PI4K2A: variants seen among roughly 807,000 people sequenced by gnomAD.
PI4K2A encodes the protein phosphatidylinositol 4-kinase type 2 alpha, also known as phosphatidylinositol 4-kinase type 2-alpha.
PI4K2A carries 20 observed loss-of-function variants against 55.0 expected under a neutral mutation model. The observed-to-expected ratio is 0.36, with a 90% CI of 0.26 to 0.53. PI4K2A has a LOEUF of 0.53. Among genes scored for constraint, PI4K2A ranks in the 20% least tolerant of loss-of-function variants. The pLI is 0.91. For synonymous variants in PI4K2A, 235 were observed against 258.5 expected (o/e 0.91, Z 0.87); for missense variants, 463 against 637.1 (o/e 0.73, Z 2.94).
At chr10:97,660,319 G>T (rs1216084893) in intron 4 of PI4K2A, among the ~76,000 whole-genome samples, 1 of 138,900 alleles carries the variant, frequency 7.2e-6, no homozygotes, top group Non-Finnish European at 1.5e-5. Flanking sequence ...TTTTTGAGAC[G>T]GAGTCTCACT....
rs371034815 is a variant in PI4K2A at position 97,672,038 on chromosome 10, A to G, written c.1279-1543A>G. On this transcript the variant is annotated intron_variant, in intron 8 of 8. Coordinates refer to ENST00000370631, the Ensembl canonical transcript of PI4K2A. ...CAACAATAAATAATTAAAACCACCT[A>G]TAATTTCTTTCTTTTTTTTTTTTGA... Among the ~76,000 whole-genome samples, 19 of 150,760 alleles carry G rather than the reference A, an allele frequency of 1.3e-4. 2 individuals carry two copies. Among genetic ancestry groups the G allele is most frequent in the Admixed American group, 1.1e-3 (17 of 15,098 alleles).
intron 6 of PI4K2A, 103 bp downstream of exon 6, chr10:97,665,087 A>G (rs2041603626): frequency 1.4e-6 from 1 of 696,986 alleles, no homozygotes; most frequent in Non-Finnish European, 2.5e-6. Context: ...TATTCTAAAA[A>G]TTAATGAAAT....
At chr10:97,641,309 G>A in intron 1 of PI4K2A, 132 bp downstream of exon 1, 1 of 659,546 alleles carries the variant, frequency 1.5e-6, no homozygotes, top group Non-Finnish European at 2.5e-6. Context: ...ATTTAGGGAT[G>A]CCACTGAGGA....
At chr10:97,673,746 C>T (rs1471276334) in exon 9 of PI4K2A, 1 of 1,613,212 alleles carries the variant, frequency 6.2e-7, no homozygotes, top group Non-Finnish European at 8.5e-7. Context: ...GTGGTAGCTC[C>T]AGAGGCAGGC....
At chr10:97,641,838 TTTC>T (rs2041471432) in intron 1 of PI4K2A, among the ~76,000 whole-genome samples, 1 of 152,214 alleles carries the variant, frequency 6.6e-6, no homozygotes, top group Non-Finnish European at 1.5e-5. Context: ...TCAGCTACTT[TTTC>T]TTTCATTTCT....
At chr10:97,654,773 A>T (rs1002997993) in intron 2 of PI4K2A, among the ~76,000 whole-genome samples, 4 of 151,544 alleles carry the variant, frequency 2.6e-5, no homozygotes, top group Admixed American at 2.0e-4. Context: ...GTGACAATAG[A>T]TGCATATGTG....
At chr10:97,654,424 G>C (rs1367641627) in intron 2 of PI4K2A, among the ~76,000 whole-genome samples, 4 of 152,042 alleles carry the variant, frequency 2.6e-5, no homozygotes, top group Non-Finnish European at 5.9e-5. Context: ...CTAGATGGTA[G>C]CATGGAGCGA....
At chr10:97,665,279 CT>C (rs962222133) in intron 6 of PI4K2A, among the ~76,000 whole-genome samples, 75 of 146,006 alleles carry the variant, frequency 5.1e-4, no homozygotes, top group Middle Eastern at 3.6e-3. Flanking sequence ...TTTCTGAGGA[CT>C]TTTTTTTTTT....
At chr10:97,642,846 CCTTCCTTTCTTTCTTTCTT>C (rs1564772264) in intron 1 of PI4K2A, among the ~76,000 whole-genome samples, 1 of 59,218 alleles carries the variant, frequency 1.7e-5, no homozygotes, top group African/African-American at 6.7e-5. Context: ...TTCCTTCCTT[CCTTCCTTTCTTTCTTTCTT>C]TTTCTTTCTT....
At position 97,660,665 on chromosome 10, in the gene PI4K2A, G is replaced by GTT. The variant is rs1032806013; in HGVS notation, c.923-2231_923-2230dup. ...CATAGTTTAGTTGTATCTTACAAGTGTTTTTTTTTTTTACCATAATCATTA... is the reference window on the plus strand; with the variant it reads ...CATAGTTTAGTTGTATCTTACAAGTGTTTTTTTTTTTTTTACCATAATCATTA... On this transcript the variant is annotated intron_variant, in intron 4 of 8. Transcript: ENST00000370631. 2.1e-3 allele frequency among the ~76,000 whole-genome samples: 293 copies of GTT among 141,656 alleles called. 1 individual carries two copies. The highest frequency in any genetic ancestry group is 7.2e-3 in the African/African-American group (281 of 38,776). 92.9% of individuals were successfully genotyped at this position (141,656 alleles called of 152,430 possible). A position where few individuals can be genotyped will look rare whatever the true frequency, so the allele number is the denominator to read the frequency against.
chr10:97,656,920 C>G lies in PI4K2A; in HGVS notation c.868C>G (p.Leu290Val). Residue 290 changes from leucine to valine, a missense_variant, in exon 4 of 9, where the codon CTA becomes GTA. Physicochemically the swap from Leu to Val is conservative, Grantham distance 32. This residue lies in a region of PI4K2A where 277 missense variants were observed against 432.6 expected (regional missense o/e 0.64). Coordinates refer to ENST00000370631, the Ensembl canonical transcript of PI4K2A. This position sits in a 1 kb window ranked among gnomAD's most constrained non-coding sequence, Gnocchi z 4.5. Reference sequence around the variant, plus strand: ...TCTTCCTGAGAACACTAACCGGCAACTACTGCTCCAGTTTGAGCGGTTGGT... The same window carrying G: ...TCTTCCTGAGAACACTAACCGGCAAGTACTGCTCCAGTTTGAGCGGTTGGT... 2 of 1,614,160 alleles carry G rather than the reference C, an allele frequency of 1.2e-6. No homozygotes were observed. The highest frequency in any genetic ancestry group is 1.7e-6 in the Non-Finnish European group (2 of 1,180,014).
At chr10:97,661,198 A>G (rs2041581643) in intron 4 of PI4K2A, among the ~76,000 whole-genome samples, 1 of 151,724 alleles carries the variant, frequency 6.6e-6, no homozygotes, top group South Asian at 2.1e-4. Flanking sequence ...TCACCGTGTT[A>G]GCCAGGATGG....
Position 97,653,367 on chromosome 10 carries a change from A to G in PI4K2A, c.636+2226A>G, listed in dbSNP as rs113627944. Among the ~76,000 whole-genome samples, 544 of 152,344 alleles carry G rather than the reference A, an allele frequency of 3.6e-3. 5 individuals are homozygous for G. The highest frequency in any genetic ancestry group is 0.012 in the African/African-American group (492 of 41,584). On this transcript the variant is annotated intron_variant, in intron 2 of 8. Transcript: ENST00000370631. ...CAGTTTCCTTACTGTAAAAATAGGG[A>G]TATAAATAGTTCCTACTTTGTAGAG...
exon 6 of PI4K2A, chr10:97,664,920 C>T: frequency 6.2e-7 from 1 of 1,614,058 alleles, no homozygotes; most frequent in East Asian, 2.2e-5. Flanking sequence ...AGCCTGTTAT[C>T]AAGGTGGCTG....
chr10:97,651,946 G>A (rs140558864), intron 2 of PI4K2A, among the ~76,000 whole-genome samples: 3 of 152,280 alleles, frequency 2.0e-5, no homozygotes, highest in Admixed American at 2.0e-4. Flanking sequence ...CATTCACTGA[G>A]TACGTGGCTA....
At chr10:97,667,577 G>GA (rs994563938) in intron 8 of PI4K2A, among the ~76,000 whole-genome samples, 1 of 152,170 alleles carries the variant, frequency 6.6e-6, no homozygotes, top group African/African-American at 2.4e-5. Context: ...CCTAGGAGAG[G>GA]AAAAGTGGCC....
At chr10:97,654,950 C>G (rs562191496) in intron 2 of PI4K2A, among the ~76,000 whole-genome samples, 36 of 152,124 alleles carry the variant, frequency 2.4e-4, no homozygotes, top group Non-Finnish European at 4.4e-4. Flanking sequence ...CCTGGCCATT[C>G]AGTTTCCTTC....
At position 97,667,137 on chromosome 10, in the gene PI4K2A, C is replaced by T; in HGVS notation, c.1278+17C>T. On this transcript the variant is annotated intron_variant, in intron 8 of 8. Coordinates refer to ENST00000370631, the Ensembl canonical transcript of PI4K2A. Reference sequence around the variant, plus strand: ...CGGGGCCAGGTAAGCCTGGGACATCCTCCCAGTATCTTTGGCGTCTCTGGG... The same window carrying T: ...CGGGGCCAGGTAAGCCTGGGACATCTTCCCAGTATCTTTGGCGTCTCTGGG... 3 of 1,589,612 alleles carry T rather than the reference C, an allele frequency of 1.9e-6. No individual in the cohort carries two copies. Among genetic ancestry groups the T allele is most frequent in the Middle Eastern group, 1.7e-4 (1 of 6,020 alleles).
In PI4K2A at chr10:97,651,157, C is replaced by G; in HGVS notation, c.636+16C>G. On this transcript the variant is annotated intron_variant, in intron 2 of 8. Coordinates refer to ENST00000370631, the Ensembl canonical transcript of PI4K2A. ...CCGTACAAAGGTCAGTGACCCATCTCCAGGAAGCCTTACTGCCTGGCCACA... is the reference window on the plus strand; with the variant it reads ...CCGTACAAAGGTCAGTGACCCATCTGCAGGAAGCCTTACTGCCTGGCCACA... The G allele has an allele frequency of 1.2e-6, 2 of 1,603,632 alleles. No homozygotes were observed. Among genetic ancestry groups the G allele is most frequent in the Non-Finnish European group, 1.7e-6 (2 of 1,172,102 alleles).
Sources: gnomAD v4.1 joint callset for allele counts (sites outside exome capture counted in the v4.1 genomes callset) on GRCh38, gnomAD v4.1.1 for gene constraint, gnomAD v4.1.1 regional missense constraint, Gnocchi (gnomAD v3.1) non-coding constraint, MANE v1.5 for transcripts, NCBI Gene and HGNC (gene_info 2026-07-23, HGNC 2026-07-21) for gene names.